Variants in APLF observed in about 807,000 individuals in gnomAD.
The protein encoded by APLF is aprataxin and PNK-like factor.
APLF carries 61 observed loss-of-function variants against 55.6 expected under a neutral mutation model. The ratio of observed to expected loss-of-function variants is 1.10; its 90% CI spans 0.89 to 1.36. The LOEUF (loss-of-function observed/expected upper bound fraction) is 1.36, where lower values mean the gene tolerates loss of function less well. APLF is among the 40% of genes most tolerant of loss of function. The probability of loss-of-function intolerance (pLI) is 0.00; values close to 1 mark genes in which losing one functional copy is unlikely to be tolerated. For synonymous variants in APLF, 207 were observed against 214.8 expected, an observed-to-expected ratio of 0.96 and a Z score of 0.32; for missense variants, 611 against 602.5, an observed-to-expected ratio of 1.01 and a Z score of -0.15.
intron 5 of APLF, among the ~76,000 whole-genome samples, chr2:68,518,402 ATATAT>A (rs1256599659): frequency 2.0e-5 from 2 of 98,080 alleles, no homozygotes; most frequent in Non-Finnish European, 3.5e-5. Context: ...ATATATAACA[ATATAT>A]TATATATTAT....
At chr2:68,474,205 G>A (rs1675703792) in intron 1 of APLF, among the ~76,000 whole-genome samples, 1 of 152,260 alleles carries the variant, frequency 6.6e-6, no homozygotes, top group Non-Finnish European at 1.5e-5. Flanking sequence ...ATGTTCACCT[G>A]TTTGGAAGCT....
intron 9 of APLF, among the ~76,000 whole-genome samples, chr2:68,573,129 TTTA>T (rs1204533750): frequency 2.6e-5 from 4 of 151,990 alleles, no homozygotes; most frequent in Non-Finnish European, 5.9e-5. Context: ...TGTTAAAGAG[TTTA>T]TTATTTTTTC....
intron 7 of APLF, among the ~76,000 whole-genome samples, chr2:68,542,331 C>G (rs1245178888): frequency 6.7e-6 from 1 of 149,702 alleles, no homozygotes; most frequent in Non-Finnish European, 1.5e-5. Context: ...AACTTCTGTA[C>G]ATGAAAGAAC....
chr2:68,572,549 A>G (rs889335398), intron 9 of APLF, among the ~76,000 whole-genome samples: 11 of 152,250 alleles, frequency 7.2e-5, no homozygotes, highest in African/African-American at 2.7e-4. Flanking sequence ...AAAAATCTGC[A>G]GTTTGGCTGG....
intron 6 of APLF, chr2:68,535,484 G>C (rs567592087): frequency 5.2e-6 from 1 of 191,096 alleles, no homozygotes; most frequent in East Asian, 1.8e-4. Context: ...ACCAAGTATG[G>C]ATATTATTCT....
intron 9 of APLF, among the ~76,000 whole-genome samples, chr2:68,576,236 A>G (rs1299016025): frequency 6.6e-6 from 1 of 152,186 alleles, no homozygotes; most frequent in Non-Finnish European, 1.5e-5. Flanking sequence ...ATAGACAAAA[A>G]TAGAGATATT....
chr2:68,487,845 T>C (rs1040526945), intron 1 of APLF, among the ~76,000 whole-genome samples: 4 of 152,202 alleles, frequency 2.6e-5, no homozygotes. Context: ...AGGAACACTA[T>C]AAATGTCTGA....
At chr2:68,510,233 T>C (rs541941733) in intron 3 of APLF, among the ~76,000 whole-genome samples, 2 of 151,326 alleles carry the variant, frequency 1.3e-5, no homozygotes, top group Non-Finnish European at 3.0e-5. Context: ...AATAATAATA[T>C]ACAAAAAAAG....
chr2:68,473,193 A>G (rs1675673919), intron 1 of APLF, among the ~76,000 whole-genome samples: 2 of 152,198 alleles, frequency 1.3e-5, no homozygotes, highest in Non-Finnish European at 2.9e-5. Flanking sequence ...GAGGCTCCCC[A>G]GGACCCCTGG....
chr2:68,470,328 A>C (rs1486408595), intron 1 of APLF, among the ~76,000 whole-genome samples: 2 of 152,222 alleles, frequency 1.3e-5, no homozygotes, highest in Admixed American at 1.3e-4. Context: ...AGCAGGGCAG[A>C]AGGGAATGGA....
intron 5 of APLF, among the ~76,000 whole-genome samples, chr2:68,518,344 A>C (rs1280376998): frequency 2.7e-5 from 3 of 113,164 alleles, no homozygotes; most frequent in African/African-American, 1.1e-4. Context: ...ATAAATAATT[A>C]TATATTAATA....
At chr2:68,518,383 ATAT>A (rs1401493940) in intron 5 of APLF, among the ~76,000 whole-genome samples, 122 of 103,736 alleles carry the variant, frequency 1.2e-3, no homozygotes, top group African/African-American at 2.5e-3. Flanking sequence ...TGACTGTATT[ATAT>A]TATTAATATA....
intron 3 of APLF, among the ~76,000 whole-genome samples, chr2:68,506,586 C>G (rs530963692): frequency 6.6e-5 from 10 of 151,998 alleles, no homozygotes; most frequent in African/African-American, 2.4e-4. Context: ...GTTAATATCC[C>G]TATATGACAG....
At chr2:68,547,794 G>A (rs115064443) in intron 8 of APLF, among the ~76,000 whole-genome samples, 3,828 of 151,084 alleles carry the variant, frequency 0.025, 61 homozygotes, top group South Asian at 0.043. Context: ...GTCTTTATTA[G>A]CAATGTGAGA....
chr2:68,473,764 C>T (rs1675690151), intron 1 of APLF, among the ~76,000 whole-genome samples: 3 of 152,234 alleles, frequency 2.0e-5, no homozygotes, highest in South Asian at 4.1e-4. Flanking sequence ...GACAAAAATA[C>T]AGCAGTCAAC....
chr2:68,521,464 A>G (rs757457129), intron 5 of APLF, among the ~76,000 whole-genome samples: 6 of 151,868 alleles, frequency 4.0e-5, no homozygotes, highest in Non-Finnish European at 8.8e-5. Context: ...CTCAGGTACT[A>G]GTTCTTGGAT....
chr2:68,558,507 T>C (rs1214805929), intron 8 of APLF, among the ~76,000 whole-genome samples: 1 of 152,232 alleles, frequency 6.6e-6, no homozygotes, highest in Non-Finnish European at 1.5e-5. Flanking sequence ...AAATGCAAGA[T>C]AAACCATTTT....
intron 9 of APLF, 116 bp downstream of exon 9, chr2:68,567,503 G>T: frequency 1.3e-6 from 1 of 797,260 alleles, no homozygotes; most frequent in Non-Finnish European, 1.9e-6. Context: ...TGAATTTGTT[G>T]AATTGCTGAT....
At chr2:68,525,738 C>CTTTTTTTTTTT (rs1316999754) in intron 5 of APLF, among the ~76,000 whole-genome samples, 1 of 106,848 alleles carries the variant, frequency 9.4e-6, no homozygotes, top group African/African-American at 4.7e-5. Context: ...TATTTTCTTT[C>CTTTTTTTTTTT]TTTCTTTTTT....
Sources: gnomAD v4.1 joint callset for allele counts (sites outside exome capture counted in the v4.1 genomes callset) on GRCh38, gnomAD v4.1.1 for gene constraint, MANE v1.5 for transcripts, NCBI Gene and HGNC (gene_info 2026-07-23, HGNC 2026-07-21) for gene names.